The following EXOC4 variants were observed in gnomAD, a reference collection of about 807,000 sequenced individuals.
EXOC4 encodes the protein exocyst complex component 4.
In EXOC4, 71 loss-of-function variants were observed where a neutral mutation model predicts 107.2. That is an observed-to-expected ratio of 0.66 (90% CI 0.55 to 0.81). The LOEUF (loss-of-function observed/expected upper bound fraction) is 0.81, where lower values mean the gene tolerates loss of function less well. Among genes scored for constraint, EXOC4 ranks in the 30% least tolerant of loss-of-function variants. EXOC4 has a pLI of 0.00. For synonymous variants in EXOC4, 456 were observed against 441.2 expected, an observed-to-expected ratio of 1.03 and a Z score of -0.42; for missense variants, 1,108 against 1,189.6, an observed-to-expected ratio of 0.93 and a Z score of 1.01.
intron 9 of EXOC4, among the ~76,000 whole-genome samples, chr7:133,580,432 TACG>T (rs1801229852): frequency 6.6e-6 from 1 of 152,226 alleles, no homozygotes; most frequent in Non-Finnish European, 1.5e-5. Flanking sequence ...CTGTTTTCCA[TACG>T]ACTACAGCAT....
intron 9 of EXOC4, among the ~76,000 whole-genome samples, chr7:133,489,635 C>T (rs895224738): frequency 2.6e-5 from 4 of 152,264 alleles, no homozygotes; most frequent in African/African-American, 7.2e-5. Flanking sequence ...GAGTCAGCAG[C>T]GATTATACTT....
At chr7:133,296,376 G>C (rs977202702) in intron 3 of EXOC4, among the ~76,000 whole-genome samples, 1 of 152,054 alleles carries the variant, frequency 6.6e-6, no homozygotes, top group Non-Finnish European at 1.5e-5. Flanking sequence ...GGGATAGTGT[G>C]GTTTGCTATT....
chr7:134,077,459 T>C, the EXOC4 span, among the ~76,000 whole-genome samples: 1 of 152,192 alleles, frequency 6.6e-6, no homozygotes, highest in South Asian at 2.1e-4. Context: ...TATCTGGGCA[T>C]CCCTTAGCTC....
intron 3 of EXOC4, among the ~76,000 whole-genome samples, chr7:133,302,309 A>C (rs184026598): frequency 6.6e-6 from 1 of 152,186 alleles, no homozygotes; most frequent in Non-Finnish European, 1.5e-5. Flanking sequence ...ACAGATTTCT[A>C]TTGTCTATCT....
the EXOC4 span, among the ~76,000 whole-genome samples, chr7:134,088,288 A>G: frequency 6.6e-6 from 1 of 152,242 alleles, no homozygotes; most frequent in Non-Finnish European, 1.5e-5. Flanking sequence ...AAAAGAAAAC[A>G]GATTCTTATT....
rs185524171 is a variant in EXOC4 at position 133,557,409 on chromosome 7, G to A, written c.1418-72636G>A. On this transcript the variant is annotated intron_variant, in intron 9 of 17. Coordinates refer to ENST00000253861, the MANE Select transcript of EXOC4 (RefSeq NM_021807.4). Reference sequence around the variant, plus strand: ...TAAGTTGTGTATTGATTCTCTGCCAGTTAAATGGTATATGCCATATGCATT... The same window carrying A: ...TAAGTTGTGTATTGATTCTCTGCCAATTAAATGGTATATGCCATATGCATT... Among the ~76,000 whole-genome samples the A allele has an allele frequency of 3.9e-5, 6 of 152,208 alleles. No homozygotes were observed. The East Asian group carries it at 9.6e-4, about 24-fold the overall frequency.
intron 9 of EXOC4, among the ~76,000 whole-genome samples, chr7:133,601,069 C>T (rs1213991955): frequency 1.3e-5 from 2 of 152,124 alleles, no homozygotes; most frequent in East Asian, 1.9e-4. Context: ...CACTGCGTTG[C>T]CCAGCTTCCC....
chr7:133,626,124 T>C (rs953734661), intron 9 of EXOC4, among the ~76,000 whole-genome samples: 5 of 152,072 alleles, frequency 3.3e-5, no homozygotes, highest in Non-Finnish European at 7.4e-5. Context: ...GGAGAATCGC[T>C]TGAACCTGGG....
chr7:133,363,180 A>G (rs1440458804), intron 6 of EXOC4, among the ~76,000 whole-genome samples: 1 of 152,214 alleles, frequency 6.6e-6, no homozygotes, highest in African/African-American at 2.4e-5. Context: ...TTAATATTGA[A>G]GGGGATGAAT....
intron 1 of EXOC4, among the ~76,000 whole-genome samples, chr7:133,256,908 A>G (rs1353337170): frequency 6.6e-6 from 1 of 152,264 alleles, no homozygotes; most frequent in African/African-American, 2.4e-5. Context: ...TTGCTAGTAT[A>G]AAGTATTTAA....
At chr7:133,421,352 G>C (rs1797600305) in intron 7 of EXOC4, among the ~76,000 whole-genome samples, 2 of 152,234 alleles carry the variant, frequency 1.3e-5, no homozygotes, top group South Asian at 4.1e-4. Context: ...ATCCAAACTG[G>C]GTCACACAGA....
intron 17 of EXOC4, among the ~76,000 whole-genome samples, chr7:134,044,935 T>C (rs1223593378): frequency 1.3e-5 from 2 of 152,172 alleles, no homozygotes; most frequent in African/African-American, 4.8e-5. Flanking sequence ...GTGTGGGAGG[T>C]AGGGTATGAT....
chr7:133,354,823 G>T (rs1055943998), intron 5 of EXOC4, among the ~76,000 whole-genome samples: 1 of 152,064 alleles, frequency 6.6e-6, no homozygotes, highest in Non-Finnish European at 1.5e-5. Context: ...AATTGAAATC[G>T]ACCACAATTT....
chr7:133,431,696 G>A lies in EXOC4; in HGVS notation c.1183-43632G>A, dbSNP rs142027418. Among the ~76,000 whole-genome samples the A allele has an allele frequency of 1.9e-3, 290 of 152,308 alleles. 1 individual carries two copies. The highest frequency in any genetic ancestry group is 6.8e-3 in the Middle Eastern group (2 of 294). ...CCCTGTATCTGAGGCGTTGTTTTTA[G>A]AGCCACATTTGCATGTTAAGTGGAG... On this transcript the variant is annotated intron_variant, in intron 7 of 17. Transcript: ENST00000253861.
In EXOC4 at chr7:133,471,292, A is replaced by G. The variant is rs573949583; in HGVS notation, c.1183-4036A>G. Among the ~76,000 whole-genome samples, 238 of 152,048 alleles carry G rather than the reference A, an allele frequency of 1.6e-3. 1 individual carries two copies. The highest frequency in any genetic ancestry group is 2.7e-3 in the Non-Finnish European group (186 of 67,974). On this transcript the variant is annotated intron_variant, in intron 7 of 17. Coordinates refer to ENST00000253861, the MANE Select transcript of EXOC4 (RefSeq NM_021807.4). ...CTGGGCGTGGTGGCAGGTGCCTGTA[A>G]TCCCTGCTACTCGGGAGGCTGAGGC...
At chr7:133,352,857 A>C (rs1795941705) in intron 5 of EXOC4, among the ~76,000 whole-genome samples, 1 of 152,000 alleles carries the variant, frequency 6.6e-6, no homozygotes, top group Admixed American at 6.6e-5. Context: ...TTAACATTCT[A>C]AAGTTATAAC....
intron 7 of EXOC4, among the ~76,000 whole-genome samples, chr7:133,474,663 A>G (rs913034775): frequency 6.6e-6 from 1 of 152,080 alleles, no homozygotes; most frequent in African/African-American, 2.4e-5. Flanking sequence ...GAAGCTCTCA[A>G]TATGAGTAGT....
intron 2 of EXOC4, among the ~76,000 whole-genome samples, chr7:133,275,992 T>G (rs1303521036): frequency 2.6e-5 from 4 of 152,080 alleles, no homozygotes; most frequent in African/African-American, 9.7e-5. Context: ...TTCTTGAATA[T>G]CATGCTTTAA....
intron 7 of EXOC4, among the ~76,000 whole-genome samples, chr7:133,427,061 T>C (rs549052087): frequency 6.8e-6 from 1 of 148,088 alleles, no homozygotes; most frequent in Non-Finnish European, 1.5e-5. Context: ...ATATGTGTGG[T>C]TTTTTTTTGT....
Sources: allele counts gnomAD v4.1 joint callset (sites outside exome capture counted in the v4.1 genomes callset), GRCh38; gene constraint gnomAD v4.1.1; transcripts MANE v1.5; gene names NCBI Gene and HGNC (gene_info 2026-07-23, HGNC 2026-07-21).